The following DTNA variants were observed in gnomAD, a reference collection of about 807,000 sequenced individuals.
DTNA encodes dystrobrevin alpha.
A neutral mutation model predicts 100.7 loss-of-function variants in DTNA; 43 were observed. The ratio of observed to expected loss-of-function variants is 0.43; its 90% CI spans 0.33 to 0.55. The LOEUF (loss-of-function observed/expected upper bound fraction) is 0.55. Ranked by LOEUF, DTNA falls within the 20% of genes least tolerant of loss-of-function variation. The pLI is 0.04. For missense variants in DTNA, 798 were observed against 953.9 expected, an observed-to-expected ratio of 0.84 and a Z score of 2.15; for synonymous variants, 349 against 347.9, an observed-to-expected ratio of 1.00 and a Z score of -0.04.
chr18:34,843,436 T>G (rs552661583), intron 13 of DTNA, among the ~76,000 whole-genome samples: 1 of 152,242 alleles, frequency 6.6e-6, no homozygotes, highest in Admixed American at 6.5e-5. Context: ...TGCCATAGAC[T>G]TGATGGCTTG....
At chr18:34,625,416 GC>G (rs1197400995) in intron 1 of DTNA, among the ~76,000 whole-genome samples, 2 of 152,006 alleles carry the variant, frequency 1.3e-5, no homozygotes, top group African/African-American at 4.8e-5. Flanking sequence ...CAGATAATCT[GC>G]CTGCCTCAGC....
intron 17 of DTNA, chr18:34,866,214 A>G: frequency 6.2e-7 from 1 of 1,613,542 alleles, no homozygotes. Flanking sequence ...TTTTGCTCTA[A>G]TGTATGTTCA....
In DTNA at chr18:34,875,342, C is replaced by T. The variant is rs199556035; in HGVS notation, c.1847C>T (p.Thr616Met). The T allele has an allele frequency of 4.9e-5, 79 of 1,614,232 alleles. No homozygotes were observed. The highest frequency in any genetic ancestry group is 2.5e-4 in the African/African-American group (19 of 75,058). ...SASACSTPTHTPQDSLTGVGG... is the reference protein window; with the variant it reads ...SASACSTPTHMPQDSLTGVGG... ...TCAGCCTGCTCCACCCCGACGCACA[C>T]GCCGCAGGACTCCCTCACAGGAGTA... is the stretch of plus-strand genomic sequence containing the variant. Residue 616 changes from threonine to methionine, a missense_variant, in exon 18 of 23, where the codon ACG becomes ATG. Thr to Met is a moderately conservative substitution (Grantham distance 81). Transcript: ENST00000444659.
intron 1 of DTNA, among the ~76,000 whole-genome samples, chr18:34,629,232 C>T (rs1014187095): frequency 2.0e-5 from 3 of 151,986 alleles, no homozygotes; most frequent in African/African-American, 2.4e-5. Flanking sequence ...AGAATTAACC[C>T]AGGTTTTTCC....
intron 1 of DTNA, among the ~76,000 whole-genome samples, chr18:34,613,576 C>G (rs2054644482): frequency 6.6e-6 from 1 of 152,116 alleles, no homozygotes; most frequent in African/African-American, 2.4e-5. Context: ...AGTGAAACAG[C>G]CTTATTGCTG....
intron 1 of DTNA, among the ~76,000 whole-genome samples, chr18:34,728,708 T>C (rs1163378548): frequency 6.6e-6 from 1 of 152,220 alleles, no homozygotes; most frequent in Non-Finnish European, 1.5e-5. Context: ...TTGTTTCTGC[T>C]TAGCTTTCTT....
chr18:34,820,945 AC>A lies in DTNA; in HGVS notation c.1001+31del, dbSNP rs3216115. On this transcript the variant is annotated intron_variant, in intron 9 of 22. Transcript: ENST00000444659. ...GTATCCCTACCCTCCCAGTATAGAG[AC>A]AATTTTCTTCAAGGGCACATGTCTG... The A allele has an allele frequency of 0.11, 183,537 of 1,613,656 alleles. 11,686 individuals carry two copies. Among genetic ancestry groups the A allele is most frequent in the African/African-American group, 0.23 (17,342 of 74,898 alleles).
In DTNA at chr18:34,875,377, G is replaced by A. The variant is rs1329738359; in HGVS notation, c.1882G>A (p.Val628Ile). 4 of 1,614,060 alleles carry A rather than the reference G, an allele frequency of 2.5e-6. No homozygotes were observed. The African/African-American group carries it at 4.0e-5, about 16-fold the overall frequency. ...CTCCCTCACAGGAGTAGGGGGAGAT[G>A]TACAAGAGGCATTTGCACAAAGTAA... is the stretch of plus-strand genomic sequence containing the variant. The part of the protein sequence containing the change: ...QDSLTGVGGD[V>I]QEAFAQSSRR... The change falls in exon 18 of 23, where the codon GTA becomes ATA. Residue 628 changes from valine to isoleucine, a missense_variant. This residue lies in a region of DTNA where 242 missense variants were observed against 238.2 expected (regional missense o/e 1.02). Transcript: ENST00000444659.
intron 1 of DTNA, among the ~76,000 whole-genome samples, chr18:34,548,948 A>C (rs1288591472): frequency 6.6e-6 from 1 of 152,144 alleles, no homozygotes; most frequent in African/African-American, 2.4e-5. Flanking sequence ...TCAAGTCTCT[A>C]GAATGATTGT....
chr18:34,503,592 T>A (rs1158943938), intron 1 of DTNA, among the ~76,000 whole-genome samples: 2 of 152,116 alleles, frequency 1.3e-5, no homozygotes, highest in Non-Finnish European at 2.9e-5. Flanking sequence ...CCTAGTTGGC[T>A]CATATTTTTA....
intron 1 of DTNA, among the ~76,000 whole-genome samples, chr18:34,612,263 A>G (rs930549780): frequency 1.3e-5 from 2 of 152,194 alleles, no homozygotes; most frequent in Non-Finnish European, 2.9e-5. Flanking sequence ...GGGATCCTGC[A>G]GCTGCTGGCT....
chr18:34,768,310 C>A (rs8097824), intron 3 of DTNA, among the ~76,000 whole-genome samples: 123,009 of 150,932 alleles, frequency 0.81, 50,559 homozygotes, highest in East Asian at 0.91. Context: ...GAACGCCCCC[C>A]CAAAAAAAGC....
intron 1 of DTNA, among the ~76,000 whole-genome samples, chr18:34,628,582 T>C (rs1484796394): frequency 1.3e-5 from 2 of 152,204 alleles, no homozygotes; most frequent in African/African-American, 4.8e-5. Context: ...TTTCAAAGAA[T>C]TGCTTATCAG....
chr18:34,776,110 G>A (rs2094032908), intron 3 of DTNA, among the ~76,000 whole-genome samples: 1 of 152,142 alleles, frequency 6.6e-6, no homozygotes, highest in African/African-American at 2.4e-5. Flanking sequence ...TGGACACTTT[G>A]TTTTACACAA....
rs184426501 is a variant in DTNA at position 34,890,603 on chromosome 18, G to A, written c.*2869G>A. 2.0e-4 allele frequency: 222 copies of A among 1,087,850 alleles called. 1 individual carries two copies. In the African/African-American group the frequency reaches 2.9e-3, roughly 14 times the overall value. The allele number at this position is 1,087,850 out of a possible 1,614,324, so 67.4% of individuals were successfully genotyped here. A position where few individuals can be genotyped will look rare whatever the true frequency, so the allele number is the denominator to read the frequency against. ...AACACAGCCAACCCTCCTCCACAGC[G>A]CCATATTAATGGAGGAGGGGAGGAA... On this transcript the variant is annotated 3_prime_UTR_variant, in exon 23 of 23. Coordinates refer to ENST00000444659, the MANE Select transcript of DTNA (RefSeq NM_001386795.1).
intron 1 of DTNA, among the ~76,000 whole-genome samples, chr18:34,728,190 A>T (rs1347532792): frequency 6.6e-6 from 1 of 152,186 alleles, no homozygotes; most frequent in Non-Finnish European, 1.5e-5. Flanking sequence ...CTGCAATGTT[A>T]ATAGTATGGT....
At chr18:34,496,663 CAA>C (rs1309962021) in intron 1 of DTNA, among the ~76,000 whole-genome samples, 1 of 152,044 alleles carries the variant, frequency 6.6e-6, no homozygotes, top group Non-Finnish European at 1.5e-5. Context: ...CACAGGGGGA[CAA>C]GTTTTAATAA....
rs146870176 is a variant in DTNA at position 34,623,936 on chromosome 18, C to A, written c.-2+130422C>A. On this transcript the variant is annotated intron_variant, in intron 1 of 19. Transcript: ENST00000283365. ...TTACACAGATGTGGCGCTTTCATAA[C>A]AGGAAAATGCTCATATTTTCAGCTC... Among the ~76,000 whole-genome samples, 742 of 152,218 alleles carry A rather than the reference C, an allele frequency of 4.9e-3. 5 individuals carry two copies. The highest frequency in any genetic ancestry group is 0.016 in the African/African-American group (649 of 41,534).
intron 1 of DTNA, among the ~76,000 whole-genome samples, chr18:34,504,742 T>C (rs2040317729): frequency 6.6e-6 from 1 of 152,208 alleles, no homozygotes; most frequent in Non-Finnish European, 1.5e-5. Flanking sequence ...AGCATTTCTC[T>C]CTTGCTGTTT....
Sources: gnomAD v4.1 joint callset for allele counts (sites outside exome capture counted in the v4.1 genomes callset) on GRCh38, gnomAD v4.1.1 for gene constraint, gnomAD v4.1.1 regional missense constraint, MANE v1.5 for transcripts, NCBI Gene and HGNC (gene_info 2026-07-23, HGNC 2026-07-21) for gene names.